APPL1: variants seen among roughly 807,000 people sequenced by gnomAD.
APPL1 encodes adaptor protein, phosphotyrosine interacting with PH domain and leucine zipper 1.
Under a neutral mutation model 106.8 loss-of-function variants are expected in APPL1, and 42 were observed. That is an observed-to-expected ratio of 0.39 (90% CI 0.31 to 0.51). APPL1 has a LOEUF of 0.51. Among genes scored for constraint, APPL1 ranks in the 20% least tolerant of loss-of-function variants. The pLI, the probability that APPL1 is intolerant of heterozygous loss-of-function variation, is 0.75. For missense variants in APPL1, 769 were observed against 858.2 expected (o/e 0.90, Z 1.30); for synonymous variants, 263 against 281.8 (o/e 0.93, Z 0.67).
intron 13 of APPL1, among the ~76,000 whole-genome samples, chr3:57,254,401 C>G (rs2060824138): frequency 6.6e-6 from 1 of 152,122 alleles, no homozygotes; most frequent in Non-Finnish European, 1.5e-5. Context: ...TCAGATAAAA[C>G]AGGATGTAAC....
At chr3:57,262,885 G>A (rs942467755) in intron 19 of APPL1, among the ~76,000 whole-genome samples, 11 of 140,960 alleles carry the variant, frequency 7.8e-5, no homozygotes, top group African/African-American at 2.6e-4. Flanking sequence ...GAGTCTTGCT[G>A]TGTCACCTGG....
At chr3:57,256,137 A>C (rs1228678138) in intron 13 of APPL1, among the ~76,000 whole-genome samples, 1 of 152,204 alleles carries the variant, frequency 6.6e-6, no homozygotes, top group Non-Finnish European at 1.5e-5. Flanking sequence ...TGAGCCTAGG[A>C]GATCAAGGAT....
chr3:57,237,509 AAC>A lies in APPL1; in HGVS notation c.176_177del (p.His59ProfsTer10). 6.2e-7 allele frequency: 1 copy of A among 1,603,900 alleles called. No homozygotes were observed. Among genetic ancestry groups the A allele is most frequent in the Non-Finnish European group, 8.5e-7 (1 of 1,175,528 alleles). On this transcript the variant is annotated frameshift_variant, in exon 3 of 22. Coordinates refer to ENST00000288266, the MANE Select transcript of APPL1 (RefSeq NM_012096.3). LOFTEE classifies it high-confidence loss of function. ...YDAQNELSAA[T>X]HLTSKLLKEY... ...TTCCATAGAATGAATTAAGTGCAGC[AAC>A]ACACCTGACCTCAAAACTTTTAAAA...
At chr3:57,268,564 AT>A in intron 21 of APPL1, 77 bp downstream of exon 21, 1 of 1,456,204 alleles carries the variant, frequency 6.9e-7, no homozygotes, top group Non-Finnish European at 9.1e-7. Flanking sequence ...TCAGATTTGA[AT>A]TTCCAAATGA....
At chr3:57,245,521 C>T (rs913371552) in intron 7 of APPL1, among the ~76,000 whole-genome samples, 12 of 151,352 alleles carry the variant, frequency 7.9e-5, no homozygotes, top group African/African-American at 1.5e-4. Flanking sequence ...TTCTTAGTTA[C>T]GTACAGAATT....
At chr3:57,252,713 A>G (rs1034531064) in intron 12 of APPL1, among the ~76,000 whole-genome samples, 2 of 152,216 alleles carry the variant, frequency 1.3e-5, no homozygotes, top group Non-Finnish European at 2.9e-5. Context: ...CTAAAGCTGA[A>G]AACCTTGGAG....
chr3:57,245,794 C>T (rs1482479278), intron 7 of APPL1, among the ~76,000 whole-genome samples: 2 of 152,152 alleles, frequency 1.3e-5, no homozygotes, highest in African/African-American at 4.8e-5. Context: ...ATCGTCCCGC[C>T]TCGGCCTCCC....
intron 6 of APPL1, among the ~76,000 whole-genome samples, chr3:57,242,654 A>G (rs2060752867): frequency 6.6e-6 from 1 of 152,188 alleles, no homozygotes; most frequent in African/African-American, 2.4e-5. Flanking sequence ...CCTTGGAATT[A>G]ATTTTTTAAA....
intron 20 of APPL1, 41 bp downstream of exon 20, chr3:57,267,833 T>G (rs373436260): frequency 7.5e-6 from 12 of 1,604,410 alleles, no homozygotes; most frequent in Middle Eastern, 1.7e-4. Context: ...GGTTCACACC[T>G]GTAATCGCAG....
At chr3:57,234,308 T>C (rs2107596321) in intron 1 of APPL1, among the ~76,000 whole-genome samples, 1 of 149,066 alleles carries the variant, frequency 6.7e-6, no homozygotes, top group South Asian at 2.1e-4. Context: ...TTTTTTTTTT[T>C]TTTTTTTGAG....
At chr3:57,237,449 C>T in intron 2 of APPL1, 43 bp from the exon 3 acceptor site, 1 of 1,454,588 alleles carries the variant, frequency 6.9e-7, no homozygotes, top group Non-Finnish European at 9.4e-7. Context: ...AAAACTAAAA[C>T]TTTTTTCCCA....
At chr3:57,254,670 A>C (rs1263327677) in intron 13 of APPL1, among the ~76,000 whole-genome samples, 1 of 152,122 alleles carries the variant, frequency 6.6e-6, no homozygotes, top group Non-Finnish European at 1.5e-5. Flanking sequence ...TGTTGCCCAG[A>C]CTGGAGTGCA....
rs527429509 is a variant in APPL1, at chr3:57,250,025, A to T, written c.1052+477A>T. Among the ~76,000 whole-genome samples the T allele has an allele frequency of 5.9e-4, 90 of 152,360 alleles. 1 individual carries two copies. Among genetic ancestry groups the T allele is most frequent in the African/African-American group, 2.2e-3 (90 of 41,578 alleles). On this transcript the variant is annotated intron_variant, in intron 11 of 21. Coordinates refer to ENST00000288266, the MANE Select transcript of APPL1 (RefSeq NM_012096.3). ...TGTTGTGAGGAACAGAAATTCTAAC[A>T]TATGTAATGTGACTGACATATAGTA...
chr3:57,228,896 G>C lies in APPL1; in HGVS notation c.54+959G>C, dbSNP rs1252029431. On this transcript the variant is annotated intron_variant, in intron 1 of 21. Coordinates refer to ENST00000288266, the MANE Select transcript of APPL1 (RefSeq NM_012096.3). This position sits in a 1 kb window ranked among gnomAD's most constrained non-coding sequence, Gnocchi z 4.6. The stretch of plus-strand genomic sequence containing the variant: ...TTTAGAAATGCAGTTGCACCATTTC[G>C]TGTGTCTTTACAGTTGAACATGGCC... 2.0e-5 allele frequency among the ~76,000 whole-genome samples: 3 copies of C among 152,150 alleles called. No individual in the cohort carries two copies. The highest frequency in any genetic ancestry group is 4.8e-5 in the African/African-American group (2 of 41,440).
At chr3:57,253,984 TCACC>T (rs1156449319) in intron 13 of APPL1, among the ~76,000 whole-genome samples, 38 of 151,666 alleles carry the variant, frequency 2.5e-4, no homozygotes, top group African/African-American at 8.2e-4. Context: ...TGCTTCAGCC[TCACC>T]AGTAGCTGAG....
At chr3:57,262,013 A>T (rs940889210) in intron 19 of APPL1, among the ~76,000 whole-genome samples, 1 of 152,104 alleles carries the variant, frequency 6.6e-6, no homozygotes, top group African/African-American at 2.4e-5. Flanking sequence ...TTCTCTAATG[A>T]TTAGTAATGT....
chr3:57,240,694 C>T, intron 5 of APPL1, 142 bp downstream of exon 5: 2 of 661,236 alleles, frequency 3.0e-6, no homozygotes, highest in Admixed American at 5.4e-5. Context: ...TTTATAGGAG[C>T]TCCTGCTAGA....
chr3:57,240,574 T>G, intron 5 of APPL1, 22 bp downstream of exon 5: 1 of 1,581,852 alleles, frequency 6.3e-7, no homozygotes, highest in Non-Finnish European at 8.7e-7. Flanking sequence ...AAGCTTATGT[T>G]TACTTTCATT....
At chr3:57,232,698 C>G (rs2060693480) in intron 1 of APPL1, among the ~76,000 whole-genome samples, 1 of 152,068 alleles carries the variant, frequency 6.6e-6, no homozygotes. Flanking sequence ...ATTGATGACT[C>G]TCGAGTTGAA....
Sources: allele counts gnomAD v4.1 joint callset (sites outside exome capture counted in the v4.1 genomes callset), GRCh38; gene constraint gnomAD v4.1.1; non-coding constraint Gnocchi (gnomAD v3.1); transcripts MANE v1.5; gene names NCBI Gene and HGNC (gene_info 2026-07-23, HGNC 2026-07-21).